Variants in CCDC62 observed in about 807,000 individuals in gnomAD.
CCDC62 encodes coiled-coil domain containing 62, also known as coiled-coil domain-containing protein 62.
A neutral mutation model predicts 80.8 loss-of-function variants in CCDC62; 72 were observed. That is an observed-to-expected ratio of 0.89 (90% CI 0.74 to 1.08). The LOEUF (loss-of-function observed/expected upper bound fraction) is 1.08. CCDC62 is among the 50% of genes least tolerant of loss of function. The pLI is 0.00. For synonymous variants in CCDC62, 286 were observed against 296.5 expected (o/e 0.96, Z 0.36); for missense variants, 704 against 809.4 (o/e 0.87, Z 1.58).
chr12:122,783,071 C>A (rs954369438), intron 3 of CCDC62, among the ~76,000 whole-genome samples: 1 of 150,714 alleles, frequency 6.6e-6, no homozygotes, highest in African/African-American at 2.4e-5. Context: ...CGCACCACTG[C>A]ACTCCAGCCT....
chr12:122,804,953 C>T (rs567506961), intron 9 of CCDC62, among the ~76,000 whole-genome samples: 17 of 150,072 alleles, frequency 1.1e-4, no homozygotes, highest in East Asian at 7.9e-4. Flanking sequence ...GGCACGATCT[C>T]GGCTCACTGC....
intron 5 of CCDC62, among the ~76,000 whole-genome samples, chr12:122,790,432 G>A (rs904719821): frequency 6.6e-6 from 1 of 152,208 alleles, no homozygotes; most frequent in Non-Finnish European, 1.5e-5. Context: ...GGAGGCCAAA[G>A]CAGGCAGATT....
At chr12:122,823,109 C>T (rs892839346) in intron 11 of CCDC62, among the ~76,000 whole-genome samples, 5 of 152,178 alleles carry the variant, frequency 3.3e-5, no homozygotes, top group Admixed American at 3.3e-4. Context: ...TACAGGCGGG[C>T]GCCACGATGT....
chr12:122,813,004 C>T (rs576753219), intron 10 of CCDC62, among the ~76,000 whole-genome samples: 67 of 149,110 alleles, frequency 4.5e-4, no homozygotes, highest in African/African-American at 1.6e-3. Flanking sequence ...TCAAGACCAG[C>T]CTGGGCAACA....
chr12:122,804,721 T>G (rs796799080), intron 9 of CCDC62, among the ~76,000 whole-genome samples: 11 of 151,988 alleles, frequency 7.2e-5, no homozygotes, highest in East Asian at 5.8e-4. Flanking sequence ...CCATGTTGTT[T>G]TTTTTTTCTC....
intron 11 of CCDC62, among the ~76,000 whole-genome samples, chr12:122,820,471 T>C (rs189785824): frequency 6.6e-6 from 1 of 152,296 alleles, no homozygotes; most frequent in Admixed American, 6.5e-5. Context: ...CTGTCGGGGC[T>C]CTTGGCCTTT....
Position 122,806,254 on chromosome 12 carries a change from A to T in CCDC62, c.1810A>T (p.Ser604Cys). ...SSSNKKNSPT[S>C]LLIYKDAPAF... ...TTCCAATAAAAAGAACTCACCTACG[A>T]GTTTGTTAATCTACAAAGATGCACC... Residue 604 changes from serine to cysteine, a missense_variant, in exon 10 of 13, where the codon AGT (serine) becomes TGT (cysteine). Coordinates refer to ENST00000253079, the MANE Select transcript of CCDC62 (RefSeq NM_201435.5). The T allele has an allele frequency of 6.2e-7, 1 of 1,613,362 alleles. No homozygotes were observed. The highest frequency in any genetic ancestry group is 8.5e-7 in the Non-Finnish European group (1 of 1,179,590).
intron 8 of CCDC62, 32 bp downstream of exon 8, chr12:122,798,232 T>C (rs1427238218): frequency 2.0e-6 from 2 of 1,002,800 alleles, no homozygotes; most frequent in African/African-American, 3.2e-5. Context: ...TAATATGATC[T>C]TGTATTATAT....
In CCDC62 at chr12:122,826,930, A is replaced by G. The variant is rs559937348; in HGVS notation, c.*549A>G. On this transcript the variant is annotated 3_prime_UTR_variant, in exon 13 of 13. Transcript: ENST00000253079. Reference sequence around the variant, plus strand: ...ATAGACATAAGGTGCTTTGATATAAAATATAAAATGTAACTGGAAAATAGC... The same window carrying G: ...ATAGACATAAGGTGCTTTGATATAAGATATAAAATGTAACTGGAAAATAGC... 6.5e-6 allele frequency: 1 copy of G among 152,844 alleles called. No homozygotes were observed. Among genetic ancestry groups the G allele is most frequent in the African/African-American group, 2.4e-5 (1 of 41,566 alleles). The allele number at this position is 152,844 out of a possible 1,614,324, so 9.5% of individuals were successfully genotyped here.
At chr12:122,798,543 C>T (rs1243358410) in intron 8 of CCDC62, among the ~76,000 whole-genome samples, 3 of 152,086 alleles carry the variant, frequency 2.0e-5, no homozygotes, top group East Asian at 3.9e-4. Context: ...GTGGAGGTTG[C>T]AGTGAGCCGA....
intron 11 of CCDC62, among the ~76,000 whole-genome samples, chr12:122,819,638 A>G (rs1392170832): frequency 1.3e-5 from 2 of 152,164 alleles, no homozygotes; most frequent in Non-Finnish European, 2.9e-5. Flanking sequence ...TGGTCCACCC[A>G]CACGGTGGAG....
rs752346213 is a variant in CCDC62 at position 122,777,552 on chromosome 12, T to A, written c.98T>A (p.Leu33His). 2 of 1,614,162 alleles carry A rather than the reference T, an allele frequency of 1.2e-6. No homozygotes were observed. Among genetic ancestry groups the A allele is most frequent in the Non-Finnish European group, 1.7e-6 (2 of 1,180,016 alleles). The change falls in exon 2 of 13, where the codon CTC becomes CAC. Residue 33 changes from leucine (L) to histidine (H), a missense_variant. Coordinates refer to ENST00000253079, the MANE Select transcript of CCDC62 (RefSeq NM_201435.5). ...AAACAACGGAAGGAGCTGCAGTTGC[T>A]CATTGGAGAATTAAAAGATCGAGAT... The part of the protein sequence containing the change: ...IEKQRKELQL[L>H]IGELKDRDKE...
intron 5 of CCDC62, among the ~76,000 whole-genome samples, chr12:122,790,475 G>A (rs999412208): frequency 6.6e-6 from 1 of 152,106 alleles, no homozygotes; most frequent in African/African-American, 2.4e-5. Flanking sequence ...AGACCAGCCT[G>A]GATAACATGG....
chr12:122,777,402 A>G, intron 1 of CCDC62, 89 bp from the exon 2 acceptor site: 2 of 1,123,500 alleles, frequency 1.8e-6, no homozygotes, highest in South Asian at 3.2e-5. Flanking sequence ...TTGGCCGCAA[A>G]AGAAGATATA....
chr12:122,822,667 G>T lies in CCDC62; in HGVS notation c.2002-699G>T, dbSNP rs1040128197. 9.6e-5 allele frequency among the ~76,000 whole-genome samples: 12 copies of T among 124,494 alleles called. 1 individual carries two copies. Among genetic ancestry groups the T allele is most frequent in the Non-Finnish European group, 1.9e-4 (12 of 62,642 alleles). The allele number at this position is 124,494 out of a possible 152,430, so 81.7% of individuals were successfully genotyped here. ...TGGCTCACTGTAAGCTCCGCCTCCC[G>T]GGTTCACACCATTGAGTTCCACACT... is the stretch of plus-strand genomic sequence containing the variant. On this transcript the variant is annotated intron_variant, in intron 11 of 12. Transcript: ENST00000253079.
intron 9 of CCDC62, 106 bp downstream of exon 9, chr12:122,801,958 C>T (rs1318143950): frequency 2.5e-6 from 3 of 1,222,872 alleles, no homozygotes; most frequent in East Asian, 2.3e-5. Context: ...ATCCAAAAGG[C>T]ATGTTTGCTA....
intron 11 of CCDC62, among the ~76,000 whole-genome samples, chr12:122,821,847 G>T (rs551173229): frequency 1.3e-5 from 2 of 152,178 alleles, no homozygotes; most frequent in African/African-American, 4.8e-5. Flanking sequence ...GACTAAACCA[G>T]CTGTGTATCT....
At chr12:122,796,945 T>C (rs960356877) in intron 6 of CCDC62, among the ~76,000 whole-genome samples, 3 of 150,446 alleles carry the variant, frequency 2.0e-5, no homozygotes, top group Admixed American at 6.7e-5. Context: ...AGTGGCGCAA[T>C]CTCTGCTCAC....
intron 10 of CCDC62, among the ~76,000 whole-genome samples, chr12:122,810,574 A>G (rs1432258622): frequency 2.7e-5 from 3 of 109,356 alleles, no homozygotes; most frequent in African/African-American, 9.1e-5. Flanking sequence ...TGTTGGTGGG[A>G]CTGTAAACCA....
Sources: gnomAD v4.1 joint callset for allele counts (sites outside exome capture counted in the v4.1 genomes callset) on GRCh38, gnomAD v4.1.1 for gene constraint, MANE v1.5 for transcripts, NCBI Gene and HGNC (gene_info 2026-07-23, HGNC 2026-07-21) for gene names.